Variants in FMO1 observed in about 807,000 individuals in gnomAD.
FMO1 encodes the protein flavin-containing monooxygenase 1.
In FMO1, 36 loss-of-function variants were observed where a neutral mutation model predicts 45.4. The ratio of observed to expected loss-of-function variants is 0.79; its 90% CI spans 0.61 to 1.05. The LOEUF (loss-of-function observed/expected upper bound fraction) is 1.05, where lower values mean the gene tolerates loss of function less well. FMO1 is among the 50% of genes least tolerant of loss of function. The probability of loss-of-function intolerance (pLI) is 0.00; values close to 1 mark genes in which losing one functional copy is unlikely to be tolerated. For missense variants in FMO1, 615 were observed against 640.3 expected, an observed-to-expected ratio of 0.96 and a Z score of 0.43; for synonymous variants, 228 against 227.2, an observed-to-expected ratio of 1.00 and a Z score of -0.03.
At chr1:171,281,064 T>A (rs538657427) in intron 6 of FMO1, 79 bp downstream of exon 6, 107 of 1,142,070 alleles carry the variant, frequency 9.4e-5, no homozygotes, top group Admixed American at 7.7e-4. Context: ...AGCCAGGCAG[T>A]ACCACAGCAA....
Position 171,283,212 on chromosome 1 carries a change from A to G in FMO1, c.1252A>G (p.Ser418Gly). Residue 418 changes from serine (S) to glycine (G), a missense_variant, in exon 8 of 9, where the codon AGT (serine) becomes GGT (glycine). Ser to Gly is a moderately conservative substitution (Grantham distance 56, BLOSUM62 0). Transcript: ENST00000617670. ...EINARKENKP[S>G]WFGLCYCKAL... ...TAATGCAAGGAAAGAAAACAAGCCC[A>G]GTTGGTAAGTTAACTACTTAATGCA... The G allele has an allele frequency of 7.2e-7, 1 of 1,398,486 alleles. No individual in the cohort carries two copies. The highest frequency in any genetic ancestry group is 9.8e-7 in the Non-Finnish European group (1 of 1,023,836). The allele number at this position is 1,398,486 out of a possible 1,614,324, so 86.6% of individuals were successfully genotyped here. A position where few individuals can be genotyped will look rare whatever the true frequency, so the allele number is the denominator to read the frequency against.
At chr1:171,265,193 A>C (rs1439911275) in intron 2 of FMO1, among the ~76,000 whole-genome samples, 1 of 152,078 alleles carries the variant, frequency 6.6e-6, no homozygotes, top group African/African-American at 2.4e-5. Context: ...GATTGAGACC[A>C]TCCTGGCTAA....
In FMO1 at chr1:171,281,945, A is replaced by G. The variant is rs756539059; in HGVS notation, c.828-33A>G. On this transcript the variant is annotated intron_variant, in intron 6 of 8. Coordinates refer to ENST00000617670, the MANE Select transcript of FMO1 (RefSeq NM_001282693.2). ...GGAGAGCTGGCTGAATTGTTCACTG[A>G]CAAGTCTCCTCCCTGTTCATGTTTT... The G allele has an allele frequency of 1.8e-5, 24 of 1,331,514 alleles. No individual in the cohort carries two copies. The East Asian group carries it at 4.9e-4, about 27-fold the overall frequency. 82.5% of individuals were successfully genotyped at this position (1,331,514 alleles called of 1,614,324 possible).
intron 1 of FMO1, among the ~76,000 whole-genome samples, chr1:171,254,302 C>A (rs1479191680): frequency 6.6e-6 from 1 of 152,098 alleles, no homozygotes; most frequent in African/African-American, 2.4e-5. Context: ...TGTTGGCCAG[C>A]TGGTTTCGAA....
At chr1:171,263,696 C>T (rs1660478471) in intron 2 of FMO1, among the ~76,000 whole-genome samples, 1 of 152,202 alleles carries the variant, frequency 6.6e-6, no homozygotes, top group African/African-American at 2.4e-5. Context: ...TCCTAAGTCG[C>T]CCCATCCATT....
chr1:171,278,939 G>A, intron 5 of FMO1, 68 bp downstream of exon 5: 2 of 1,231,866 alleles, frequency 1.6e-6, no homozygotes, highest in Non-Finnish European at 2.2e-6. Flanking sequence ...AATGGTGTTT[G>A]ACACCATGAT....
At chr1:171,260,170 G>C (rs766247979) in intron 2 of FMO1, among the ~76,000 whole-genome samples, 1 of 152,190 alleles carries the variant, frequency 6.6e-6, no homozygotes. Context: ...GAGGAAGAAT[G>C]GGAGGGAAAA....
intron 4 of FMO1, 31 bp from the exon 5 acceptor site, chr1:171,278,698 C>T: frequency 6.7e-7 from 1 of 1,487,388 alleles, no homozygotes; most frequent in African/African-American, 1.4e-5. Context: ...CCTGTTAATT[C>T]TCTGTGTGAC....
intron 4 of FMO1, among the ~76,000 whole-genome samples, chr1:171,276,066 G>A (rs1487369038): frequency 6.6e-6 from 1 of 152,138 alleles, no homozygotes; most frequent in Non-Finnish European, 1.5e-5. Context: ...TGCAACCATA[G>A]TCATGTTAAT....
chr1:171,253,241 C>G (rs16864245), intron 1 of FMO1, among the ~76,000 whole-genome samples: 18,669 of 152,164 alleles, frequency 0.12, 2,089 homozygotes, highest in African/African-American at 0.31. Flanking sequence ...AATCATTAAA[C>G]ACACATTTCT....
In FMO1 at chr1:171,282,283, T is replaced by C. The variant is rs768454665; in HGVS notation, c.1133T>C (p.Met378Thr). Residue 378 changes from methionine (M) to threonine (T), a missense_variant, in exon 7 of 9, where the codon ATG becomes ACG. By Grantham distance (81) the Met-to-Thr change is moderately conservative. Transcript: ENST00000617670. ...IIGLIKPLGS[M>T]IPTGETQARW... is the part of the protein sequence containing the mutation. ...GGCCTCATCAAACCCTTGGGCTCCA[T>C]GATACCTACAGGAGAAACACAAGCT... The C allele has an allele frequency of 2.6e-5, 42 of 1,613,752 alleles. No individual in the cohort carries two copies. The highest frequency in any genetic ancestry group is 5.3e-5 in the African/African-American group (4 of 74,894).
chr1:171,249,453 C>G (rs28384814), intron 1 of FMO1, among the ~76,000 whole-genome samples: 2,511 of 152,246 alleles, frequency 0.016, 38 homozygotes, highest in Middle Eastern at 0.044. Context: ...TGAGGAGCTG[C>G]TGCTAGAGGA....
At chr1:171,272,555 G>T (rs1224832018) in intron 3 of FMO1, among the ~76,000 whole-genome samples, 1 of 152,216 alleles carries the variant, frequency 6.6e-6, no homozygotes, top group Admixed American at 6.5e-5. Flanking sequence ...GCTGTACCCT[G>T]CAAAGCCACA....
intron 4 of FMO1, 107 bp downstream of exon 4, chr1:171,275,615 T>A (rs1388986055): frequency 1.2e-6 from 1 of 815,588 alleles, no homozygotes; most frequent in Non-Finnish European, 1.9e-6. Context: ...ATAGTTAAAG[T>A]TGGGAGGTAG....
intron 3 of FMO1, among the ~76,000 whole-genome samples, chr1:171,269,236 A>T (rs1660748275): frequency 6.6e-6 from 1 of 152,150 alleles, no homozygotes. Flanking sequence ...TGACTTTGGA[A>T]CTGTGGAAAC....
intron 1 of FMO1, among the ~76,000 whole-genome samples, chr1:171,250,297 A>G (rs897470997): frequency 1.7e-4 from 26 of 152,220 alleles, no homozygotes; most frequent in African/African-American, 6.3e-4. Flanking sequence ...GCAATTGTCA[A>G]ACACCCAGCT....
chr1:171,249,377 G>A (rs2102053958), intron 1 of FMO1, among the ~76,000 whole-genome samples: 1 of 152,100 alleles, frequency 6.6e-6, no homozygotes, highest in East Asian at 1.9e-4. Context: ...CTTGTAACTG[G>A]CACAGAGGAC....
chr1:171,250,528 G>A (rs1295417564), intron 1 of FMO1, among the ~76,000 whole-genome samples: 7 of 152,016 alleles, frequency 4.6e-5, no homozygotes, highest in South Asian at 2.1e-4. Flanking sequence ...AAACCAAAGC[G>A]GACACTCAAT....
In FMO1 at chr1:171,275,488, T is replaced by C. The variant is rs776349011; in HGVS notation, c.464T>C (p.Leu155Ser). The C allele has an allele frequency of 2.5e-6, 4 of 1,612,310 alleles. No homozygotes were observed. The highest frequency in any genetic ancestry group is 3.3e-5 in the Admixed American group (2 of 59,796). ...ACTGGCTTTCTTACTAATCCTTATT[T>C]GCCACTGGATTCCTTTCCAGGTACA... Reference protein sequence around the residue: ...VCTGFLTNPYLPLDSFPGINA... With the variant: ...VCTGFLTNPYSPLDSFPGINA... The change falls in exon 4 of 9, where the codon TTG becomes TCG. Residue 155 changes from leucine (L) to serine (S), a missense_variant. Physicochemically the swap from Leu to Ser is moderately radical, Grantham distance 145. Coordinates refer to ENST00000617670, the MANE Select transcript of FMO1 (RefSeq NM_001282693.2).
Sources: allele counts gnomAD v4.1 joint callset (sites outside exome capture counted in the v4.1 genomes callset), GRCh38; gene constraint gnomAD v4.1.1; transcripts MANE v1.5; gene names NCBI Gene and HGNC (gene_info 2026-07-23, HGNC 2026-07-21).